KLHL29: variants seen among roughly 807,000 people sequenced by gnomAD.
KLHL29 encodes the protein kelch like family member 29, also known as kelch-like protein 29.
Under a neutral mutation model 80.4 loss-of-function variants are expected in KLHL29, and 21 were observed. That is an observed-to-expected ratio of 0.26 (90% CI 0.19 to 0.38). KLHL29 has a LOEUF of 0.38. Among genes scored for constraint, KLHL29 ranks in the 10% least tolerant of loss-of-function variants. The pLI is 1.00. For missense variants in KLHL29, 867 were observed against 1,223.9 expected (o/e 0.71, Z 4.35); for synonymous variants, 511 against 526.8 (o/e 0.97, Z 0.41).
At chr2:23,705,819 TGAAATGCATTAAGG>T (rs1169937928) in intron 13 of KLHL29, among the ~76,000 whole-genome samples, 2 of 152,172 alleles carry the variant, frequency 1.3e-5, no homozygotes, top group African/African-American at 4.8e-5. Flanking sequence ...AAGAAGTAGC[TGAAATGCATTAAGG>T]GAGTCAGTGC....
intron 3 of KLHL29, among the ~76,000 whole-genome samples, chr2:23,606,570 T>G (rs1668734292): frequency 6.6e-6 from 1 of 152,236 alleles, no homozygotes; most frequent in South Asian, 2.1e-4. Flanking sequence ...TGAAATTCCT[T>G]GTCTTATAAA....
intron 1 of KLHL29, among the ~76,000 whole-genome samples, chr2:23,400,967 A>G (rs1572482981): frequency 6.6e-6 from 1 of 152,270 alleles, no homozygotes; most frequent in Non-Finnish European, 1.5e-5. Context: ...ATATGATAGC[A>G]TCAAGAATAC....
At chr2:23,655,020 A>G (rs780909414) in intron 5 of KLHL29, among the ~76,000 whole-genome samples, 3 of 152,170 alleles carry the variant, frequency 2.0e-5, no homozygotes, top group Non-Finnish European at 4.4e-5. Context: ...CTCCTGGCTG[A>G]TACTTCTCTG....
intron 3 of KLHL29, among the ~76,000 whole-genome samples, chr2:23,580,270 G>A (rs1014257608): frequency 1.3e-5 from 2 of 152,106 alleles, no homozygotes; most frequent in African/African-American, 4.8e-5. Context: ...TACTCTGGAG[G>A]CTGAGGCAGG....
At chr2:23,516,180 G>A (rs1234597415) in intron 2 of KLHL29, among the ~76,000 whole-genome samples, 1 of 152,102 alleles carries the variant, frequency 6.6e-6, no homozygotes, top group Non-Finnish European at 1.5e-5. Context: ...GAGCAGTAAA[G>A]GAAGTGAGGA....
At position 23,706,468 on chromosome 2, in the gene KLHL29, T is replaced by C; in HGVS notation, c.2445-13T>C. The C allele has an allele frequency of 6.8e-7, 1 of 1,467,078 alleles. No homozygotes were observed. Among genetic ancestry groups the C allele is most frequent in the African/African-American group, 1.4e-5 (1 of 70,454 alleles). The allele number at this position is 1,467,078 out of a possible 1,614,324, so 90.9% of individuals were successfully genotyped here. On this transcript the variant is annotated splice_polypyrimidine_tract_variant and intron_variant, in intron 13 of 13. Coordinates refer to ENST00000486442, the MANE Select transcript of KLHL29 (RefSeq NM_052920.2). ...GTGAAATGCCTAACTCTGTCCCCGC[T>C]TTCCCCCAACAGTGCTGTGGTGCTT...
chr2:23,452,904 C>CG (rs1663926475), intron 1 of KLHL29, among the ~76,000 whole-genome samples: 1 of 141,442 alleles, frequency 7.1e-6, no homozygotes, highest in Admixed American at 6.9e-5. Context: ...GACTGGTCAC[C>CG]CCCCCGCCCA....
intron 5 of KLHL29, among the ~76,000 whole-genome samples, chr2:23,653,060 C>T (rs890966494): frequency 4.6e-5 from 7 of 152,314 alleles, no homozygotes; most frequent in East Asian, 1.9e-4. Context: ...AGCAACTCAC[C>T]GCCTTCCTCT....
intron 1 of KLHL29, among the ~76,000 whole-genome samples, chr2:23,398,870 GAT>G (rs1271991406): frequency 4.5e-5 from 4 of 88,044 alleles, no homozygotes; most frequent in Non-Finnish European, 8.5e-5. Flanking sequence ...GGAGAAATTT[GAT>G]GATGAGAACT....
intron 1 of KLHL29, among the ~76,000 whole-genome samples, chr2:23,434,344 A>AAT (rs1663276674): frequency 6.6e-6 from 1 of 150,942 alleles, no homozygotes; most frequent in Non-Finnish European, 1.5e-5. Flanking sequence ...AAAAAAAAAA[A>AAT]AGCTAGGCTC....
rs946702413 is a variant in KLHL29, at chr2:23,680,098, G to T, written c.941-4301G>T. On this transcript the variant is annotated intron_variant, in intron 5 of 13. Coordinates refer to ENST00000486442, the MANE Select transcript of KLHL29 (RefSeq NM_052920.2). The surrounding 1 kb of genome is among the most constrained non-coding windows in gnomAD (Gnocchi z 4.1). Reference sequence around the variant, plus strand: ...TGCAGTGTGGAGGTGGCCTGGAGGGGGACAGGCTGGAAACAGGGAGACATC... The same window carrying T: ...TGCAGTGTGGAGGTGGCCTGGAGGGTGACAGGCTGGAAACAGGGAGACATC... Among the ~76,000 whole-genome samples the T allele has an allele frequency of 2.0e-5, 3 of 152,182 alleles. No individual in the cohort carries two copies. The highest frequency in any genetic ancestry group is 4.4e-5 in the Non-Finnish European group (3 of 68,020).
chr2:23,431,235 G>T (rs1317869671), intron 1 of KLHL29, among the ~76,000 whole-genome samples: 1 of 152,196 alleles, frequency 6.6e-6, no homozygotes, highest in Non-Finnish European at 1.5e-5. Context: ...GAGTTTACAG[G>T]TGTCCAGAGT....
intron 5 of KLHL29, among the ~76,000 whole-genome samples, chr2:23,673,744 C>G (rs1031233261): frequency 2.0e-5 from 3 of 151,612 alleles, no homozygotes; most frequent in African/African-American, 7.3e-5. Flanking sequence ...CACAGGGGTG[C>G]ATGCACACAC....
At chr2:23,572,438 A>G (rs1324103829) in intron 3 of KLHL29, among the ~76,000 whole-genome samples, 3 of 152,192 alleles carry the variant, frequency 2.0e-5, no homozygotes, top group East Asian at 3.8e-4. Context: ...TAATACATGA[A>G]TATTATGTGA....
intron 3 of KLHL29, among the ~76,000 whole-genome samples, chr2:23,583,303 T>A (rs1273980402): frequency 6.6e-6 from 1 of 152,168 alleles, no homozygotes; most frequent in African/African-American, 2.4e-5. Flanking sequence ...AGAAGGTCCA[T>A]CCGCGTGGGA....
At chr2:23,657,912 C>T (rs1234949935) in intron 5 of KLHL29, among the ~76,000 whole-genome samples, 1 of 152,224 alleles carries the variant, frequency 6.6e-6, no homozygotes, top group Non-Finnish European at 1.5e-5. Context: ...TCTCAGCTGC[C>T]TGACAGAAGC....
chr2:23,679,916 C>CT (rs112342110), intron 5 of KLHL29, among the ~76,000 whole-genome samples: 1,758 of 152,172 alleles, frequency 0.012, 31 homozygotes, highest in African/African-American at 0.039. Context: ...GGGACGGAGA[C>CT]TTGGAGTGGG....
chr2:23,665,177 A>G (rs1444934445), intron 5 of KLHL29, among the ~76,000 whole-genome samples: 1 of 152,226 alleles, frequency 6.6e-6, no homozygotes, highest in East Asian at 1.9e-4. Flanking sequence ...CAGTGAGGCC[A>G]GCCTGTGTAT....
At chr2:23,654,698 G>GC (rs1553350619) in intron 5 of KLHL29, among the ~76,000 whole-genome samples, 6 of 98,632 alleles carry the variant, frequency 6.1e-5, no homozygotes, top group African/African-American at 1.5e-4. Flanking sequence ...ACAGAGGTTG[G>GC]GGGGGGGGGG....
Sources: gnomAD v4.1 joint callset for allele counts (sites outside exome capture counted in the v4.1 genomes callset) on GRCh38, gnomAD v4.1.1 for gene constraint, Gnocchi (gnomAD v3.1) non-coding constraint, MANE v1.5 for transcripts, NCBI Gene and HGNC (gene_info 2026-07-23, HGNC 2026-07-21) for gene names.